PLEKHG4: variants seen among roughly 807,000 people sequenced by gnomAD.
PLEKHG4 encodes the protein puratrophin-1.
In PLEKHG4, 85 loss-of-function variants were observed where a neutral mutation model predicts 136.9. The observed-to-expected ratio is 0.62, with a 90% CI of 0.52 to 0.74. The LOEUF is 0.74. Among genes scored for constraint, PLEKHG4 ranks in the 30% least tolerant of loss-of-function variants. The probability of loss-of-function intolerance (pLI) is 0.00; values close to 1 mark genes in which losing one functional copy is unlikely to be tolerated. For missense variants in PLEKHG4, 1,317 were observed against 1,527.8 expected (o/e 0.86, Z 2.30); for synonymous variants, 577 against 646.9 (o/e 0.89, Z 1.64).
chr16:67,278,571 T>C (rs1390969522), upstream of PLEKHG4: 2 of 152,182 alleles, frequency 1.3e-5, no homozygotes, highest in Non-Finnish European at 2.9e-5. Context: ...ATCGCACAGC[T>C]ACCCACTTGG....
rs769928131 is a variant in PLEKHG4, at chr16:67,288,597, T to TA, written c.3564dup (p.Pro1189ThrfsTer12). Reference sequence around the variant, plus strand: ...GCCCTGGGTAGGGGCCTGGAGGACTTACCCTGTGTGAGTGCCATTTGCCCT... The same window carrying TA: ...GCCCTGGGTAGGGGCCTGGAGGACTTAACCCTGTGTGAGTGCCATTTGCCCT... On this transcript the variant is annotated frameshift_variant, in exon 21 of 22. Coordinates refer to ENST00000379344, the MANE Select transcript of PLEKHG4 (RefSeq NM_001129729.3). LOFTEE classifies it high-confidence loss of function. The TA allele has an allele frequency of 1.4e-5, 23 of 1,613,994 alleles. No homozygotes were observed. The South Asian group carries it at 2.5e-4, about 18-fold the overall frequency.
chr16:67,279,429 T>G (rs1387833663), upstream of PLEKHG4: 1 of 151,646 alleles, frequency 6.6e-6, no homozygotes, highest in African/African-American at 2.4e-5. Flanking sequence ...CGAGACCTGC[T>G]CGGGCTGTGG....
rs762309129 is a variant in PLEKHG4 at position 67,286,817 on chromosome 16, G to A, written c.2823G>A (p.Lys941=). 1.1e-5 allele frequency: 18 copies of A among 1,613,730 alleles called. No individual in the cohort carries two copies. The highest frequency in any genetic ancestry group is 1.5e-5 in the Non-Finnish European group (18 of 1,179,718). ...DEFVVRTGRH[K]SVRRIFLFEE... is the part of the protein sequence containing the mutation. ...TTGTGGTGCGCACTGGGCGCCACAA[G>A]TCCGTGCGCCGCATCTTCCTTTTTG... The change falls in exon 17 of 22, where the codon AAG becomes AAA. Residue 941 remains lysine (K), a synonymous_variant. Coordinates refer to ENST00000379344, the MANE Select transcript of PLEKHG4 (RefSeq NM_001129729.3).
Position 67,282,557 on chromosome 16 carries a change from C to T in PLEKHG4, c.1308C>T (p.His436=). The change falls in exon 10 of 22, where the codon CAC becomes CAT. Residue 436 remains histidine (H), a synonymous_variant. Transcript: ENST00000379344. ...ELYDRVDGLL[H]QLTLQSNQRI... is the part of the protein sequence containing the mutation. The stretch of plus-strand genomic sequence containing the variant: ...ATGACCGGGTGGATGGATTGCTGCA[C>T]CAACTGACCCTGCAGAGCAACCAGC... The T allele has an allele frequency of 6.2e-7, 1 of 1,614,092 alleles. No homozygotes were observed. The highest frequency in any genetic ancestry group is 8.5e-7 in the Non-Finnish European group (1 of 1,180,016).
Position 67,285,074 on chromosome 16 carries a change from G to A in PLEKHG4, c.2054G>A (p.Ser685Asn), listed in dbSNP as rs963283895. The A allele has an allele frequency of 6.2e-7, 1 of 1,613,470 alleles. No individual in the cohort carries two copies. The highest frequency in any genetic ancestry group is 8.5e-7 in the Non-Finnish European group (1 of 1,180,026). Residue 685 changes from serine to asparagine, a missense_variant, in exon 13 of 22, where the codon AGT becomes AAT. Coordinates refer to ENST00000379344, the MANE Select transcript of PLEKHG4 (RefSeq NM_001129729.3). ...AYSFDRNLGQ[S>N]LSEPACHCHH... ...AGCTTCGATCGGAATCTGGGGCAGA[G>A]TCTCAGTGAACCTGCCTGCCACTGC...
rs200291502 is a variant in PLEKHG4, at chr16:67,281,223, TTC to T, written c.813+41_813+42del. On this transcript the variant is annotated intron_variant, in intron 5 of 21. Coordinates refer to ENST00000379344, the MANE Select transcript of PLEKHG4 (RefSeq NM_001129729.3). The stretch of plus-strand genomic sequence containing the variant: ...TGTAGCTCCCCTCATTCCTTTTCTT[TTC>T]TTTTTTTTTTTTTTTGAGACGGAGT... 6.0e-3 allele frequency: 7,592 copies of T among 1,267,756 alleles called. 351 individuals carry two copies. Among genetic ancestry groups the T allele is most frequent in the Middle Eastern group, 7.7e-3 (38 of 4,926 alleles). 78.5% of individuals were successfully genotyped at this position (1,267,756 alleles called of 1,614,324 possible). A position where few individuals can be genotyped will look rare whatever the true frequency, so the allele number is the denominator to read the frequency against.
In PLEKHG4 at chr16:67,284,070, G is replaced by A. The variant is rs895220317; in HGVS notation, c.1510-205G>A. ...AGAGGGCTGGTGCGGAGGGCGAGAC[G>A]AGACGGTGAGGACAGATGATTCCTC... On this transcript the variant is annotated intron_variant, in intron 11 of 21. Transcript: ENST00000379344. This position sits in a 1 kb window ranked among gnomAD's most constrained non-coding sequence, Gnocchi z 4.4. Among the ~76,000 whole-genome samples the A allele has an allele frequency of 5.9e-5, 9 of 152,118 alleles. No homozygotes were observed. Among genetic ancestry groups the A allele is most frequent in the Non-Finnish European group, 8.8e-5 (6 of 68,018 alleles).
chr16:67,284,192 T>C lies in PLEKHG4; in HGVS notation c.1510-83T>C. 1 of 1,224,882 alleles carries C rather than the reference T, an allele frequency of 8.2e-7. No individual in the cohort carries two copies. Among genetic ancestry groups the C allele is most frequent in the Non-Finnish European group, 1.2e-6 (1 of 855,282 alleles). 75.9% of individuals were successfully genotyped at this position (1,224,882 alleles called of 1,614,324 possible). On this transcript the variant is annotated intron_variant, in intron 11 of 21. Coordinates refer to ENST00000379344, the MANE Select transcript of PLEKHG4 (RefSeq NM_001129729.3). The surrounding 1 kb of genome is among the most constrained non-coding windows in gnomAD (Gnocchi z 4.4). ...ACAGGACAGACTTGATGGGGACATG[T>C]CGATATGTCAGCAGGAAGTATCTGA...
At chr16:67,277,832 A>C (rs976987353), upstream of PLEKHG4, 2 of 152,366 alleles carry the variant, frequency 1.3e-5, no homozygotes, top group Non-Finnish European at 2.9e-5. Flanking sequence ...CTCTGTTTCC[A>C]TGAAGCCTAC....
Position 67,282,296 on chromosome 16 carries a change from G to A in PLEKHG4, c.1200G>A (p.Glu400=), listed in dbSNP as rs1471990835. Residue 400 remains glutamate (E), a synonymous_variant, in exon 9 of 22, where the codon GAG becomes GAA. Coordinates refer to ENST00000379344, the MANE Select transcript of PLEKHG4 (RefSeq NM_001129729.3). The part of the protein sequence containing the change: ...LAWLQCQGGR[E]LTWLKQEVPE... ...GGCTACAATGCCAGGGGGGCCGGGAGCTGACATGGCTGAAGCAAGAGGTCC... is the reference window on the plus strand; with the variant it reads ...GGCTACAATGCCAGGGGGGCCGGGAACTGACATGGCTGAAGCAAGAGGTCC... The A allele has an allele frequency of 3.1e-6, 5 of 1,613,046 alleles. No individual in the cohort carries two copies. Among genetic ancestry groups the A allele is most frequent in the East Asian group, 4.5e-5 (2 of 44,886 alleles).
At position 67,285,528 on chromosome 16, in the gene PLEKHG4, C is replaced by A; in HGVS notation, c.2434C>A (p.Leu812Met). 6.2e-7 allele frequency: 1 copy of A among 1,608,410 alleles called. No homozygotes were observed. Among genetic ancestry groups the A allele is most frequent in the Non-Finnish European group, 8.5e-7 (1 of 1,180,004 alleles). ...CCCACCACGAGTGGCCTATGCCTTCCTGCGCCATGTAAGCCCGACAGGCCA... is the reference window on the plus strand; with the variant it reads ...CCCACCACGAGTGGCCTATGCCTTCATGCGCCATGTAAGCCCGACAGGCCA... ...RHPPRVAYAF[L>M]RHRVQFGMYA... The change falls in exon 14 of 22, where the codon CTG becomes ATG. Residue 812 changes from leucine to methionine, a missense_variant. Physicochemically the swap from Leu to Met is conservative, Grantham distance 15. Coordinates refer to ENST00000379344, the MANE Select transcript of PLEKHG4 (RefSeq NM_001129729.3).
chr16:67,280,987 A>G lies in PLEKHG4; in HGVS notation c.701A>G (p.Tyr234Cys). Residue 234 changes from tyrosine (Y) to cysteine (C), a missense_variant, in exon 4 of 22, where the codon TAC becomes TGC. Coordinates refer to ENST00000379344, the MANE Select transcript of PLEKHG4 (RefSeq NM_001129729.3). This position sits in a 1 kb window ranked among gnomAD's most constrained non-coding sequence, Gnocchi z 4.4. ...CAGGAACTCATCCGCCTCCTGCTGT[A>G]CCTGCGAAGCATCCCCAGGTTTGAG... ...SSQELIRLLLYLRSIPRPEVQ... is the reference protein window; with the variant it reads ...SSQELIRLLLCLRSIPRPEVQ... The G allele has an allele frequency of 6.2e-7, 1 of 1,613,834 alleles. No individual in the cohort carries two copies. The highest frequency in any genetic ancestry group is 8.5e-7 in the Non-Finnish European group (1 of 1,179,914).
intron 19 of PLEKHG4, 57 bp from the exon 20 acceptor site, chr16:67,288,110 G>A (rs2142486004): frequency 1.3e-6 from 2 of 1,568,396 alleles, no homozygotes; most frequent in Non-Finnish European, 8.8e-7. Flanking sequence ...CTTTCCTTGG[G>A]ATCTGGGGCC....
At chr16:67,288,746 C>A in intron 21 of PLEKHG4, 57 bp from the exon 22 acceptor site, 1 of 1,610,398 alleles carries the variant, frequency 6.2e-7, no homozygotes, top group African/African-American at 1.3e-5. Context: ...ATTCCCCAGA[C>A]ACCTCCTGGG....
chr16:67,280,999 T>A lies in PLEKHG4; in HGVS notation c.713T>A (p.Ile238Asn). The change falls in exon 4 of 22, where the codon ATC becomes AAC. Residue 238 changes from isoleucine (I) to asparagine (N), a missense_variant. Coordinates refer to ENST00000379344, the MANE Select transcript of PLEKHG4 (RefSeq NM_001129729.3). This position sits in a 1 kb window ranked among gnomAD's most constrained non-coding sequence, Gnocchi z 4.4. ...LIRLLLYLRS[I>N]PRPEVQALGL... is the part of the protein sequence containing the mutation. ...CGCCTCCTGCTGTACCTGCGAAGCA[T>A]CCCCAGGTTTGAGGGAGGGGGTTGG... is the stretch of plus-strand genomic sequence containing the variant. 1 of 1,614,024 alleles carries A rather than the reference T, an allele frequency of 6.2e-7. No individual in the cohort carries two copies. The highest frequency in any genetic ancestry group is 1.1e-5 in the South Asian group (1 of 91,082).
rs147395532 is a variant in PLEKHG4, at chr16:67,282,289, G to A, written c.1193G>A (p.Gly398Asp). The A allele has an allele frequency of 1.8e-4, 284 of 1,613,210 alleles. No individual in the cohort carries two copies. In the African/African-American group the frequency reaches 3.5e-3, roughly 20 times the overall value. ...PWLAWLQCQG[G>D]RELTWLKQEV... ...CTGGCATGGCTACAATGCCAGGGGG[G>A]CCGGGAGCTGACATGGCTGAAGCAA... Residue 398 changes from glycine to aspartate, a missense_variant, in exon 9 of 22, where the codon GGC becomes GAC. Transcript: ENST00000379344.
rs748087287 is a variant in PLEKHG4 at position 67,284,897 on chromosome 16, G to A, written c.1877G>A (p.Arg626His). ...TCAGAGGCCATCCGCCAGGAGTGCC[G>A]CTGGGCCTGGGCGCGGTGCCAGGAC... Reference protein sequence around the residue: ...LGSEAIRQECRWAWARCQDTW... With the variant: ...LGSEAIRQECHWAWARCQDTW... The change falls in exon 13 of 22, where the codon CGC becomes CAC. Residue 626 changes from arginine (R) to histidine (H), a missense_variant. Coordinates refer to ENST00000379344, the MANE Select transcript of PLEKHG4 (RefSeq NM_001129729.3). The surrounding 1 kb of genome is among the most constrained non-coding windows in gnomAD (Gnocchi z 4.4). 2.6e-4 allele frequency: 425 copies of A among 1,612,378 alleles called. No homozygotes were observed. The highest frequency in any genetic ancestry group is 3.5e-4 in the Non-Finnish European group (415 of 1,179,718).
intron 11 of PLEKHG4, 31 bp downstream of exon 11, chr16:67,282,889 T>C (rs1191042221): frequency 2.1e-6 from 3 of 1,459,792 alleles, no homozygotes; most frequent in South Asian, 1.1e-5. Context: ...ATGCCACGGG[T>C]ATTGGGATGC....
At chr16:67,288,436 G>T in intron 20 of PLEKHG4, 36 bp downstream of exon 20, 1 of 1,613,528 alleles carries the variant, frequency 6.2e-7, no homozygotes, top group Non-Finnish European at 8.5e-7. Context: ...GGAGGGCATG[G>T]CTTGGGGTCT....
Sources: allele counts gnomAD v4.1 joint callset (sites outside exome capture counted in the v4.1 genomes callset), GRCh38; gene constraint gnomAD v4.1.1; non-coding constraint Gnocchi (gnomAD v3.1); transcripts MANE v1.5; gene names NCBI Gene and HGNC (gene_info 2026-07-23, HGNC 2026-07-21).